Variants in LCLAT1 observed in about 807,000 individuals in gnomAD.
LCLAT1 encodes the protein lysocardiolipin acyltransferase 1, also known as 1-AGP acyltransferase 8.
LCLAT1 carries 11 observed loss-of-function variants against 30.7 expected under a neutral mutation model. The observed-to-expected ratio is 0.36, with a 90% CI of 0.23 to 0.59. LCLAT1 has a LOEUF of 0.59. Among genes scored for constraint, LCLAT1 ranks in the 20% least tolerant of loss-of-function variants. The pLI, the probability that LCLAT1 is intolerant of heterozygous loss-of-function variation, is 0.77. For missense variants in LCLAT1, 402 were observed against 458.6 expected (o/e 0.88, Z 1.13); for synonymous variants, 155 against 151.3 (o/e 1.02, Z -0.18).
intron 1 of LCLAT1, among the ~76,000 whole-genome samples, chr2:30,460,791 G>A (rs897819194): frequency 1.1e-4 from 16 of 152,044 alleles, no homozygotes; most frequent in Admixed American, 9.2e-4. Flanking sequence ...CTGGGGAGGG[G>A]GCAGTGACTA....
At chr2:30,489,344 A>G (rs1683717189) in intron 1 of LCLAT1, 2 of 124,218 alleles carry the variant, frequency 1.6e-5, no homozygotes, top group Non-Finnish European at 3.3e-5. Context: ...ACTTCTTCAC[A>G]GTTTCTTTCT....
chr2:30,616,457 A>G (rs964798207), intron 5 of LCLAT1, among the ~76,000 whole-genome samples: 16 of 152,172 alleles, frequency 1.1e-4, no homozygotes, highest in African/African-American at 3.1e-4. Context: ...TAGTAATCTA[A>G]TAAATTAGAG....
intron 1 of LCLAT1, among the ~76,000 whole-genome samples, chr2:30,522,258 A>G (rs1685512867): frequency 6.6e-6 from 1 of 152,212 alleles, no homozygotes; most frequent in Non-Finnish European, 1.5e-5. Flanking sequence ...GATTTTAAGA[A>G]ACTACCAAAC....
intron 1 of LCLAT1, among the ~76,000 whole-genome samples, chr2:30,457,568 T>A (rs1490640589): frequency 6.6e-6 from 1 of 152,210 alleles, no homozygotes; most frequent in Non-Finnish European, 1.5e-5. Flanking sequence ...AAGAAGCCAG[T>A]TTTTTATCTG....
intron 1 of LCLAT1, among the ~76,000 whole-genome samples, chr2:30,519,494 G>T (rs1031087052): frequency 8.5e-5 from 13 of 152,134 alleles, no homozygotes; most frequent in Non-Finnish European, 1.5e-4. Context: ...CCTGTTGAGA[G>T]GGGGGACTGA....
intron 1 of LCLAT1, chr2:30,459,799 G>T: frequency 1.0e-6 from 1 of 961,006 alleles, no homozygotes; most frequent in Non-Finnish European, 1.7e-6. Context: ...TTTTTGAATT[G>T]ATCATAGTTT....
intron 5 of LCLAT1, among the ~76,000 whole-genome samples, chr2:30,597,000 A>G (rs909514022): frequency 2.3e-5 from 3 of 127,952 alleles, no homozygotes; most frequent in South Asian, 3.0e-4. Flanking sequence ...CCATTGGTCT[A>G]TGTGTCTGTT....
At chr2:30,553,746 C>T (rs1352609023) in intron 3 of LCLAT1, among the ~76,000 whole-genome samples, 1 of 151,714 alleles carries the variant, frequency 6.6e-6, no homozygotes, top group Non-Finnish European at 1.5e-5. Context: ...ACCCGGGAAG[C>T]GGAGCTTGCA....
At chr2:30,536,222 T>C (rs2148401692) in intron 3 of LCLAT1, among the ~76,000 whole-genome samples, 1 of 152,290 alleles carries the variant, frequency 6.6e-6, no homozygotes, top group South Asian at 2.1e-4. Context: ...TGAAACCTAC[T>C]TAATGAAATA....
chr2:30,513,917 C>G (rs1447674664), intron 1 of LCLAT1, among the ~76,000 whole-genome samples: 1 of 152,204 alleles, frequency 6.6e-6, no homozygotes, highest in Non-Finnish European at 1.5e-5. Context: ...TGTATAAAAC[C>G]AAACTGTGGT....
At chr2:30,505,521 C>T (rs1199703757) in intron 1 of LCLAT1, among the ~76,000 whole-genome samples, 2 of 152,020 alleles carry the variant, frequency 1.3e-5, no homozygotes, top group East Asian at 1.9e-4. Context: ...TTATTTTATG[C>T]ATGTAACATT....
At chr2:30,559,697 C>T (rs1332665370) in intron 3 of LCLAT1, among the ~76,000 whole-genome samples, 3 of 152,296 alleles carry the variant, frequency 2.0e-5, no homozygotes, top group East Asian at 1.9e-4. Flanking sequence ...AGATCATTGG[C>T]ATCACTGGTT....
chr2:30,489,573 C>T (rs553382268), intron 1 of LCLAT1, among the ~76,000 whole-genome samples: 2 of 152,260 alleles, frequency 1.3e-5, no homozygotes, highest in African/African-American at 4.8e-5. Flanking sequence ...AGGATGGTCT[C>T]GATCTCCTGA....
intron 2 of LCLAT1, among the ~76,000 whole-genome samples, chr2:30,531,018 C>A (rs569997428): frequency 1.8e-3 from 271 of 152,260 alleles, no homozygotes; most frequent in Middle Eastern, 3.4e-3. Context: ...GTAATCCCAG[C>A]ACTTTTGGAG....
At chr2:30,470,342 T>C (rs1465739611) in intron 1 of LCLAT1, among the ~76,000 whole-genome samples, 1 of 152,234 alleles carries the variant, frequency 6.6e-6, no homozygotes, top group Admixed American at 6.5e-5. Flanking sequence ...AAATAGTGTC[T>C]TGTTATTATT....
At chr2:30,465,626 C>T (rs576570787) in intron 1 of LCLAT1, among the ~76,000 whole-genome samples, 4 of 152,238 alleles carry the variant, frequency 2.6e-5, no homozygotes, top group South Asian at 2.1e-4. Flanking sequence ...TGCTAATCAC[C>T]GTTATTTATT....
chr2:30,585,513 T>G (rs1040685045), intron 5 of LCLAT1, among the ~76,000 whole-genome samples: 1 of 152,176 alleles, frequency 6.6e-6, no homozygotes, highest in Non-Finnish European at 1.5e-5. Context: ...TCCTCATTAT[T>G]CACACTACTT....
chr2:30,542,334 C>G (rs1220053770), intron 3 of LCLAT1, among the ~76,000 whole-genome samples: 1 of 152,082 alleles, frequency 6.6e-6, no homozygotes, highest in Admixed American at 6.6e-5. Flanking sequence ...TATGTGTGAC[C>G]CATTTTGATT....
Position 30,641,994 on chromosome 2 carries a change from TGTTA to T in LCLAT1, c.*1379_*1382del, listed in dbSNP as rs1669337461. ...AAAAGTCTTTAGCTGTTAGCAAACC[TGTTA>T]GTTTTACTTCTGCATTGAACCAGCC... is the stretch of plus-strand genomic sequence containing the variant. On this transcript the variant is annotated 3_prime_UTR_variant, in exon 6 of 6. Coordinates refer to ENST00000379509, the MANE Select transcript of LCLAT1 (RefSeq NM_001002257.3). The T allele has an allele frequency of 6.6e-6, 1 of 151,924 alleles. No homozygotes were observed. The highest frequency in any genetic ancestry group is 2.4e-5 in the African/African-American group (1 of 41,296). 9.4% of individuals were successfully genotyped at this position (151,924 alleles called of 1,614,324 possible). A position where few individuals can be genotyped will look rare whatever the true frequency, so the allele number is the denominator to read the frequency against.
Sources: allele counts gnomAD v4.1 joint callset (sites outside exome capture counted in the v4.1 genomes callset), GRCh38; gene constraint gnomAD v4.1.1; transcripts MANE v1.5; gene names NCBI Gene and HGNC (gene_info 2026-07-23, HGNC 2026-07-21).